Variants in SUPT3H observed in about 807,000 individuals in gnomAD.
SUPT3H encodes SPT3 homolog, SAGA and STAGA complex component.
In SUPT3H, 44 loss-of-function variants were observed where a neutral mutation model predicts 44.3. The ratio of observed to expected loss-of-function variants is 0.99; its 90% CI spans 0.78 to 1.28. The LOEUF (loss-of-function observed/expected upper bound fraction) is 1.28. Ranked by LOEUF, SUPT3H falls within the 50% of genes most tolerant of loss-of-function variation. The probability of loss-of-function intolerance (pLI) is 0.00; values close to 1 mark genes in which losing one functional copy is unlikely to be tolerated. For synonymous variants in SUPT3H, 124 were observed against 125.6 expected (o/e 0.99, Z 0.09); for missense variants, 380 against 387.1 (o/e 0.98, Z 0.15).
At chr6:44,942,902 A>G (rs1772691975) in intron 9 of SUPT3H, among the ~76,000 whole-genome samples, 1 of 152,186 alleles carries the variant, frequency 6.6e-6, no homozygotes. Context: ...TACCAATGCC[A>G]CTACCACCAC....
At chr6:45,206,857 C>A (rs1039605436) in intron 2 of SUPT3H, among the ~76,000 whole-genome samples, 2 of 151,960 alleles carry the variant, frequency 1.3e-5, no homozygotes, top group Non-Finnish European at 2.9e-5. Flanking sequence ...AATATAAGGA[C>A]CTGGTTTTGG....
At chr6:45,031,216 C>G (rs1256740619) in intron 3 of SUPT3H, among the ~76,000 whole-genome samples, 4 of 151,958 alleles carry the variant, frequency 2.6e-5, no homozygotes, top group Non-Finnish European at 5.9e-5. Flanking sequence ...TTTTAGTACT[C>G]ACAAAGATTA....
At chr6:45,298,813 T>C (rs1037989332) in intron 2 of SUPT3H, among the ~76,000 whole-genome samples, 9 of 152,132 alleles carry the variant, frequency 5.9e-5, no homozygotes, top group Admixed American at 5.9e-4. Flanking sequence ...TAGGAAACCT[T>C]TCAAAGTATA....
intron 3 of SUPT3H, among the ~76,000 whole-genome samples, chr6:45,030,431 G>A (rs927663258): frequency 3.9e-5 from 6 of 152,198 alleles, no homozygotes; most frequent in South Asian, 4.2e-4. Context: ...TCTACTGAAC[G>A]GGTTGTAGCC....
At chr6:45,172,114 C>G (rs1211114092) in intron 2 of SUPT3H, among the ~76,000 whole-genome samples, 2 of 151,174 alleles carry the variant, frequency 1.3e-5, no homozygotes, top group Non-Finnish European at 3.0e-5. Context: ...CACTCTGTCG[C>G]CAGGCTGGAG....
chr6:44,924,641 G>A (rs1263271364), intron 10 of SUPT3H, among the ~76,000 whole-genome samples: 1 of 152,042 alleles, frequency 6.6e-6, no homozygotes. Flanking sequence ...AAAGGCTCTG[G>A]TGATTAAAAT....
intron 2 of SUPT3H, among the ~76,000 whole-genome samples, chr6:45,235,050 T>C (rs1480446864): frequency 1.3e-5 from 2 of 151,854 alleles, no homozygotes; most frequent in African/African-American, 2.4e-5. Flanking sequence ...AGAAATTAGA[T>C]GAGAAAAAGA....
chr6:44,950,673 C>T (rs758838894), intron 9 of SUPT3H, among the ~76,000 whole-genome samples: 9 of 151,996 alleles, frequency 5.9e-5, no homozygotes, highest in Admixed American at 1.3e-4. Context: ...CCAAGCTTAA[C>T]CAGCCCAGTT....
chr6:44,876,474 AGGG>A (rs1777289638), intron 10 of SUPT3H, among the ~76,000 whole-genome samples: 1 of 124,060 alleles, frequency 8.1e-6, no homozygotes, highest in African/African-American at 3.0e-5. Flanking sequence ...GGACACTGGA[AGGG>A]GAATATCATA....
At chr6:45,038,232 G>A (rs754062855) in intron 3 of SUPT3H, among the ~76,000 whole-genome samples, 1 of 151,940 alleles carries the variant, frequency 6.6e-6, no homozygotes, top group Non-Finnish European at 1.5e-5. Context: ...TATCTCCCTG[G>A]GCCCAAAGAG....
intron 7 of SUPT3H, among the ~76,000 whole-genome samples, chr6:44,958,831 T>C (rs1004407602): frequency 1.3e-5 from 2 of 148,516 alleles, no homozygotes; most frequent in African/African-American, 2.5e-5. Flanking sequence ...TAGGAAAAAA[T>C]GACATTAGGC....
intron 3 of SUPT3H, among the ~76,000 whole-genome samples, chr6:45,021,817 G>A (rs181557507): frequency 1.3e-5 from 2 of 151,950 alleles, no homozygotes; most frequent in East Asian, 1.9e-4. Flanking sequence ...CTATAAACTC[G>A]CTATGTGTCA....
intron 2 of SUPT3H, among the ~76,000 whole-genome samples, chr6:45,302,116 T>C (rs1459824118): frequency 6.6e-6 from 1 of 152,136 alleles, no homozygotes; most frequent in Non-Finnish European, 1.5e-5. Context: ...AATAAATTTA[T>C]TTCCATAGGC....
In SUPT3H at chr6:45,061,869, C is replaced by G. The variant is rs182266292; in HGVS notation, c.187-41237G>C. 2.1e-3 allele frequency among the ~76,000 whole-genome samples: 309 copies of G among 144,484 alleles called. 1 individual carries two copies. The highest frequency in any genetic ancestry group is 7.5e-3 in the African/African-American group (295 of 39,222). 94.8% of individuals were successfully genotyped at this position (144,484 alleles called of 152,430 possible). ...TTACACCCCAAAATCAATTGTGGTA[C>G]AGCCAGTTTTTTATCCATAAGCTGT... On this transcript the variant is annotated intron_variant, in intron 3 of 10. Coordinates refer to ENST00000371459, the MANE Select transcript of SUPT3H (RefSeq NM_003599.4).
intron 10 of SUPT3H, among the ~76,000 whole-genome samples, chr6:44,923,224 A>T (rs2153457574): frequency 6.6e-6 from 1 of 152,270 alleles, no homozygotes; most frequent in East Asian, 1.9e-4. Flanking sequence ...ATAAACTTGG[A>T]GAAAATACAG....
At chr6:45,255,394 A>C (rs1241095043) in intron 2 of SUPT3H, among the ~76,000 whole-genome samples, 2 of 139,432 alleles carry the variant, frequency 1.4e-5, no homozygotes, top group African/African-American at 2.7e-5. Flanking sequence ...AATTTATTTC[A>C]TTCTTAACAA....
chr6:45,029,337 G>A (rs1786549100), intron 3 of SUPT3H, among the ~76,000 whole-genome samples: 1 of 111,944 alleles, frequency 8.9e-6, no homozygotes, highest in African/African-American at 3.6e-5. Context: ...TGACATATTT[G>A]TATGTGTATA....
At chr6:45,063,426 C>T (rs9463063) in intron 3 of SUPT3H, among the ~76,000 whole-genome samples, 85,497 of 146,920 alleles carry the variant, frequency 0.58, 25,931 homozygotes, top group African/African-American at 0.75. Flanking sequence ...AGGAACGCAG[C>T]TCCTCACCAG....
At chr6:44,818,565 T>C (rs925810868) in intron 11 of SUPT3H, among the ~76,000 whole-genome samples, 1 of 152,150 alleles carries the variant, frequency 6.6e-6, no homozygotes, top group African/African-American at 2.4e-5. Flanking sequence ...ACATTTCTGA[T>C]AATAGATCTG....
Sources: gnomAD v4.1 joint callset for allele counts (sites outside exome capture counted in the v4.1 genomes callset) on GRCh38, gnomAD v4.1.1 for gene constraint, MANE v1.5 for transcripts, NCBI Gene and HGNC (gene_info 2026-07-23, HGNC 2026-07-21) for gene names.